Variants in YBEY observed in about 807,000 individuals in gnomAD.
The protein encoded by YBEY is ybeY metalloendoribonuclease.
A neutral mutation model predicts 13.5 loss-of-function variants in YBEY; 15 were observed. The ratio of observed to expected loss-of-function variants is 1.11; its 90% confidence interval spans 0.75 to 1.72. The LOEUF (loss-of-function observed/expected upper bound fraction) is 1.72, where lower values mean the gene tolerates loss of function less well. YBEY is among the 40% of genes most tolerant of loss of function. The pLI is 0.00. For synonymous variants in YBEY, 101 were observed against 83.1 expected (o/e 1.21, Z -1.17); for missense variants, 244 against 208.4 (o/e 1.17, Z -1.05).
chr21:46,298,065 CAGCGCGTCGCG>C (rs1394386563), downstream of YBEY, among the ~76,000 whole-genome samples: 1 of 152,222 alleles, frequency 6.6e-6, no homozygotes, highest in African/African-American at 2.4e-5. Context: ...TTCATCAGGG[CAGCGCGTCGCG>C]AGCGCGCTGG....
chr21:46,295,680 C>G (rs2839201), intron 3 of YBEY, among the ~76,000 whole-genome samples: 4 of 151,788 alleles, frequency 2.6e-5, no homozygotes, highest in Non-Finnish European at 5.9e-5. Flanking sequence ...CCCCAAAGCT[C>G]TACCCAGAGT....
chr21:46,296,279 G>A (rs1435812676), intron 4 of YBEY, 49 bp downstream of exon 4: 3 of 1,602,568 alleles, frequency 1.9e-6, no homozygotes, highest in Non-Finnish European at 8.5e-7. Context: ...GGGGGAAGGA[G>A]GCTCCCCCAG....
At chr21:46,311,463 A>G in the YBEY span, 1 of 1,582,820 alleles carries the variant, frequency 6.3e-7, no homozygotes, top group African/African-American at 1.3e-5. Context: ...TACCTTCCTT[A>G]ATACTTCCTG....
chr21:46,292,305 C>T (rs1279324248), intron 3 of YBEY: 1 of 152,240 alleles, frequency 6.6e-6, no homozygotes, highest in Non-Finnish European at 1.5e-5. Context: ...TACAGCAGGG[C>T]AAGCTGGGGA....
chr21:46,306,197 A>G, the YBEY span, among the ~76,000 whole-genome samples: 1 of 152,102 alleles, frequency 6.6e-6, no homozygotes, highest in Non-Finnish European at 1.5e-5. Context: ...TTGAATATGC[A>G]GCAAAACTTG....
downstream of YBEY, chr21:46,302,210 C>G (rs2082135819): frequency 7.0e-7 from 1 of 1,435,296 alleles, no homozygotes. Context: ...CCCACCTCCA[C>G]TCCCGCCCTG....
chr21:46,308,038 G>A, the YBEY span, among the ~76,000 whole-genome samples: 1 of 151,760 alleles, frequency 6.6e-6, no homozygotes, highest in African/African-American at 2.4e-5. Context: ...CTGTCACCCA[G>A]GCTGGAGTAC....
chr21:46,306,890 C>T, the YBEY span, among the ~76,000 whole-genome samples: 1 of 144,522 alleles, frequency 6.9e-6, no homozygotes, highest in Non-Finnish European at 1.5e-5. Flanking sequence ...GCCCGGCCTC[C>T]CCTTATTTTT....
At chr21:46,299,081 C>T (rs189697729), downstream of YBEY, among the ~76,000 whole-genome samples, 342 of 144,100 alleles carry the variant, frequency 2.4e-3, 2 homozygotes, top group African/African-American at 8.2e-3. Context: ...ATTCTCCTGC[C>T]TGAGCCTCCC....
downstream of YBEY, among the ~76,000 whole-genome samples, chr21:46,299,488 C>T (rs530186782): frequency 2.4e-4 from 37 of 152,258 alleles, no homozygotes; most frequent in Admixed American, 7.9e-4. Context: ...GCCAGAGTGT[C>T]GTCAGAGCAG....
chr21:46,297,903 C>T (rs73388653), downstream of YBEY, among the ~76,000 whole-genome samples: 3,577 of 152,334 alleles, frequency 0.023, 138 homozygotes, highest in African/African-American at 0.081. Context: ...CTGCCCGGAG[C>T]CTGCGCCCCC....
chr21:46,291,651 A>G, intron 3 of YBEY, 189 bp downstream of exon 3: 1 of 1,385,178 alleles, frequency 7.2e-7, no homozygotes, highest in Non-Finnish European at 9.3e-7. Flanking sequence ...CCACAGTTGA[A>G]GGAGGGAGAG....
chr21:46,309,349 C>G, the YBEY span, among the ~76,000 whole-genome samples: 1 of 151,606 alleles, frequency 6.6e-6, no homozygotes, highest in South Asian at 2.1e-4. Flanking sequence ...GTAATCCCAG[C>G]TACTTGGGAG....
At chr21:46,286,790 C>G in intron 1 of YBEY, 80 bp from the exon 2 acceptor site, 1 of 799,662 alleles carries the variant, frequency 1.3e-6, no homozygotes, top group Non-Finnish European at 2.0e-6. Flanking sequence ...ATAAAGTGAT[C>G]TGATTGCGCG....
chr21:46,303,735 ATATATATATATTTTTTTTTTTTTT>A, the YBEY span, among the ~76,000 whole-genome samples: 1 of 28,126 alleles, frequency 3.6e-5, no homozygotes, highest in East Asian at 5.5e-4. Flanking sequence ...ATATATATAT[ATATATATATATTTTTTTTTTTTTT>A]TTTTTTTTTG....
intron 2 of YBEY, among the ~76,000 whole-genome samples, chr21:46,288,996 C>A (rs1213341533): frequency 6.6e-6 from 1 of 152,122 alleles, no homozygotes; most frequent in East Asian, 1.9e-4. Flanking sequence ...TGCACTCCAC[C>A]CTGGGCCACA....
At chr21:46,311,982 T>C in the YBEY span, among the ~76,000 whole-genome samples, 137 of 26,342 alleles carry the variant, frequency 5.2e-3, no homozygotes, top group Non-Finnish European at 5.8e-3. Flanking sequence ...CACCCATCCA[T>C]CCACCCATCC....
the YBEY span, chr21:46,311,582 G>A: frequency 6.6e-7 from 1 of 1,515,098 alleles, no homozygotes; most frequent in Non-Finnish European, 9.1e-7. Context: ...GAACAGCCAG[G>A]TGATTAGCTA....
chr21:46,302,032 G>A (rs75421562), downstream of YBEY: 1,013 of 1,525,308 alleles, frequency 6.6e-4, 6 homozygotes, highest in African/African-American at 0.012. Context: ...GGCTGGGGGC[G>A]GGCTGGAGGA....
Sources: gnomAD v4.1 joint callset for allele counts (sites outside exome capture counted in the v4.1 genomes callset) on GRCh38, gnomAD v4.1.1 for gene constraint, MANE v1.5 for transcripts, NCBI Gene and HGNC (gene_info 2026-07-23, HGNC 2026-07-21) for gene names.